JPT1: variants seen among roughly 807,000 people sequenced by gnomAD.
The protein encoded by JPT1 is Jupiter microtubule associated homolog 1.
Under a neutral mutation model 17.0 loss-of-function variants are expected in JPT1, and 5 were observed. The observed-to-expected ratio is 0.29, with a 90% CI of 0.15 to 0.62. The LOEUF (loss-of-function observed/expected upper bound fraction) is 0.62. JPT1 is among the 20% of genes least tolerant of loss of function. The pLI, the probability that JPT1 is intolerant of heterozygous loss-of-function variation, is 0.85. For missense variants in JPT1, 158 were observed against 188.1 expected (o/e 0.84, Z 0.94); for synonymous variants, 71 against 73.6 (o/e 0.96, Z 0.18).
intron 2 of JPT1, 45 bp from the exon 3 acceptor site, chr17:75,147,698 C>T: frequency 6.6e-7 from 1 of 1,522,494 alleles, no homozygotes; most frequent in South Asian, 1.1e-5. Flanking sequence ...ATAGAAAAAA[C>T]CTAAAGCAAA....
In JPT1 at chr17:75,146,625, C is replaced by G. The variant is rs997750610; in HGVS notation, c.316+41G>C. On this transcript the variant is annotated intron_variant, in intron 4 of 4. Transcript: ENST00000409753. ...ATCAAGATTCAGATCTGTCCTAAAA[C>G]CATGGACAGAGCCAGAAATTTGGTC... 8.2e-6 allele frequency: 12 copies of G among 1,464,790 alleles called. No individual in the cohort carries two copies. In the African/African-American group the frequency reaches 1.7e-4, roughly 21 times the overall value. 90.7% of individuals were successfully genotyped at this position (1,464,790 alleles called of 1,614,324 possible). A position where few individuals can be genotyped will look rare whatever the true frequency, so the allele number is the denominator to read the frequency against.
At chr17:75,144,265 T>TA (rs2074381526) in intron 4 of JPT1, among the ~76,000 whole-genome samples, 1 of 152,234 alleles carries the variant, frequency 6.6e-6, no homozygotes, top group South Asian at 2.1e-4. Flanking sequence ...CTCATGCCTG[T>TA]AATCTCAATA....
intron 1 of JPT1, among the ~76,000 whole-genome samples, chr17:75,151,798 C>G (rs536567779): frequency 6.6e-6 from 1 of 152,036 alleles, no homozygotes; most frequent in Non-Finnish European, 1.5e-5. Context: ...AGAGAAAACC[C>G]GTCTCTACTA....
At chr17:75,138,279 T>TTC (rs2074245918) in intron 4 of JPT1, 1 of 152,104 alleles carries the variant, frequency 6.6e-6, no homozygotes, top group African/African-American at 2.4e-5. Context: ...TTCTTTTTAA[T>TTC]AGCAAGTTTA....
chr17:75,144,759 G>T (rs2074391255), intron 4 of JPT1, among the ~76,000 whole-genome samples: 3 of 152,088 alleles, frequency 2.0e-5, no homozygotes, highest in Admixed American at 2.0e-4. Context: ...TCAGGCAGAG[G>T]GTGTGGAAAC....
At chr17:75,152,249 T>TA (rs2145198757) in intron 1 of JPT1, among the ~76,000 whole-genome samples, 1 of 152,312 alleles carries the variant, frequency 6.6e-6, no homozygotes, top group East Asian at 1.9e-4. Flanking sequence ...ATTATATATT[T>TA]AAGACTGAAC....
At chr17:75,139,341 T>C (rs1050221336) in intron 4 of JPT1, among the ~76,000 whole-genome samples, 1 of 152,196 alleles carries the variant, frequency 6.6e-6, no homozygotes, top group African/African-American at 2.4e-5. Flanking sequence ...AGTCCTGCCA[T>C]AGTGGTTTAT....
intron 4 of JPT1, among the ~76,000 whole-genome samples, chr17:75,139,267 G>C (rs924865596): frequency 3.9e-5 from 6 of 152,150 alleles, no homozygotes; most frequent in African/African-American, 1.4e-4. Context: ...ATCTACTGAA[G>C]TCTTCATTCT....
At chr17:75,153,628 G>A (rs1018424339) in intron 1 of JPT1, 1 of 152,306 alleles carries the variant, frequency 6.6e-6, no homozygotes, top group Non-Finnish European at 1.5e-5. Context: ...TGAGCGCAGG[G>A]ATGGGGAGAA....
rs772227484 is a variant in JPT1, at chr17:75,136,222, G to A, written c.345C>T (p.Ser115=). Residue 115 remains serine, a synonymous_variant, in exon 5 of 5, where the codon AGC becomes AGT. Coordinates refer to ENST00000409753, the MANE Select transcript of JPT1 (RefSeq NM_016185.4). ...CGGGCTTCTCTTCACTCTGCCCCAG[G>A]CTGCCTGGCAAGTCTGTGTCCACAT... ...HENVDTDLPG[S]LGQSEEKPVP... 7 of 1,602,476 alleles carry A rather than the reference G, an allele frequency of 4.4e-6. No individual in the cohort carries two copies. The highest frequency in any genetic ancestry group is 6.0e-6 in the Non-Finnish European group (7 of 1,172,504).
intron 4 of JPT1, among the ~76,000 whole-genome samples, chr17:75,142,401 A>C (rs76586607): frequency 1.4e-5 from 2 of 146,936 alleles, no homozygotes; most frequent in East Asian, 2.0e-4. Flanking sequence ...CTCTACTAAT[A>C]AAAAAAAAAT....
chr17:75,146,245 C>T (rs1458941370), intron 4 of JPT1, among the ~76,000 whole-genome samples: 6 of 152,184 alleles, frequency 3.9e-5, no homozygotes, highest in Admixed American at 2.6e-4. Context: ...CCTCCACGTC[C>T]TGAGCTCAAG....
chr17:75,141,289 G>A (rs1330937631), intron 4 of JPT1: 1 of 152,132 alleles, frequency 6.6e-6, no homozygotes, highest in Non-Finnish European at 1.5e-5. Context: ...AAATATTATT[G>A]TGCCCCTTTT....
intron 1 of JPT1, among the ~76,000 whole-genome samples, chr17:75,151,798 C>T (rs536567779): frequency 2.6e-4 from 40 of 152,154 alleles, no homozygotes; most frequent in Non-Finnish European, 5.3e-4. Context: ...AGAGAAAACC[C>T]GTCTCTACTA....
rs576951337 is a variant in JPT1, at chr17:75,147,601, T to C, written c.252A>G (p.Arg84=). ...CGGAGCTTGCTTCAGAGGAGTTCCTTCTCTGCAGTCCAGATGACTCCAAGT... is the reference window on the plus strand; with the variant it reads ...CGGAGCTTGCTTCAGAGGAGTTCCTCCTCTGCAGTCCAGATGACTCCAAGT... ...REDLESSGLQ[R]RNSSEASSGD... The change falls in exon 3 of 5, where the codon AGA becomes AGG. Residue 84 remains arginine (R), a synonymous_variant. Transcript: ENST00000409753. 178 of 1,614,010 alleles carry C rather than the reference T, an allele frequency of 1.1e-4. No individual in the cohort carries two copies. The South Asian group carries it at 1.9e-3, about 18-fold the overall frequency.
At chr17:75,147,478 G>A (rs1447657825) in intron 3 of JPT1, 78 bp downstream of exon 3, 2 of 965,160 alleles carry the variant, frequency 2.1e-6, no homozygotes, top group Non-Finnish European at 1.7e-6. Context: ...ATTCCAGTGG[G>A]TGAACTGAAA....
chr17:75,144,933 G>A (rs1362369954), intron 4 of JPT1, among the ~76,000 whole-genome samples: 3 of 152,036 alleles, frequency 2.0e-5, no homozygotes, highest in Non-Finnish European at 2.9e-5. Context: ...CTATAAGGAA[G>A]AACCCAGGCA....
At chr17:75,140,887 C>G (rs910237902) in intron 4 of JPT1, among the ~76,000 whole-genome samples, 1 of 151,982 alleles carries the variant, frequency 6.6e-6, no homozygotes, top group Non-Finnish European at 1.5e-5. Context: ...GTAAGGAGTT[C>G]GAGACCGGCC....
In JPT1 at chr17:75,146,779, C is replaced by T. The variant is rs922082759; in HGVS notation, c.298-95G>A. ...CATAGCAGCTAACATCTACTTGAAA[C>T]CGAATGTGACATTTCATTGTGTTGC... On this transcript the variant is annotated intron_variant, in intron 3 of 4. Coordinates refer to ENST00000409753, the MANE Select transcript of JPT1 (RefSeq NM_016185.4). 17 of 753,106 alleles carry T rather than the reference C, an allele frequency of 2.3e-5. No individual in the cohort carries two copies. In the Admixed American group the frequency reaches 3.6e-4, roughly 16 times the overall value. The allele number at this position is 753,106 out of a possible 1,614,324, so 46.7% of individuals were successfully genotyped here.
Sources: allele counts gnomAD v4.1 joint callset (sites outside exome capture counted in the v4.1 genomes callset), GRCh38; gene constraint gnomAD v4.1.1; transcripts MANE v1.5; gene names NCBI Gene and HGNC (gene_info 2026-07-23, HGNC 2026-07-21).